The following IPPK variants were observed in gnomAD, a reference collection of about 807,000 sequenced individuals.
The protein encoded by IPPK is IPK1 homolog.
Under a neutral mutation model 64.6 loss-of-function variants are expected in IPPK, and 22 were observed. The ratio of observed to expected loss-of-function variants is 0.34; its 90% confidence interval spans 0.24 to 0.49. IPPK has a LOEUF of 0.49. Among genes scored for constraint, IPPK ranks in the 20% least tolerant of loss-of-function variants. The pLI is 0.99. For missense variants in IPPK, 532 were observed against 630.7 expected (o/e 0.84, Z 1.68); for synonymous variants, 262 against 247.2 (o/e 1.06, Z -0.56).
intron 11 of IPPK, among the ~76,000 whole-genome samples, chr9:92,621,673 C>T (rs1200744252): frequency 3.9e-5 from 6 of 151,998 alleles, no homozygotes; most frequent in African/African-American, 1.5e-4. Flanking sequence ...CACCACCATA[C>T]TCGGCTGATT....
intron 1 of IPPK, among the ~76,000 whole-genome samples, chr9:92,667,086 G>A (rs1417768206): frequency 6.6e-6 from 1 of 152,258 alleles, no homozygotes; most frequent in East Asian, 1.9e-4. Context: ...GGGGATGGGG[G>A]TCAGCACAGG....
At chr9:92,650,371 T>C (rs1338269476) in intron 4 of IPPK, among the ~76,000 whole-genome samples, 1 of 151,698 alleles carries the variant, frequency 6.6e-6, no homozygotes, top group African/African-American at 2.4e-5. Flanking sequence ...TTGGTTTATG[T>C]AGGGGGTAGC....
rs777502896 is a variant in IPPK at position 92,649,442 on chromosome 9, C to G, written c.414+11G>C. ...CCCTTTACCCACACCATCTGCCCCT[C>G]GACAGGTCACCTTAATCTCTACACA... On this transcript the variant is annotated intron_variant, in intron 5 of 12. Coordinates refer to ENST00000287996, the MANE Select transcript of IPPK (RefSeq NM_022755.6). 4 of 1,613,746 alleles carry G rather than the reference C, an allele frequency of 2.5e-6. No homozygotes were observed. Among genetic ancestry groups the G allele is most frequent in the Non-Finnish European group, 3.4e-6 (4 of 1,179,880 alleles).
At chr9:92,627,069 G>A (rs1851748048) in intron 11 of IPPK, among the ~76,000 whole-genome samples, 1 of 152,074 alleles carries the variant, frequency 6.6e-6, no homozygotes, top group South Asian at 2.1e-4. Context: ...TCTTCAAGAA[G>A]AGGAAGAAAA....
At chr9:92,639,126 A>G (rs1466008572) in intron 8 of IPPK, among the ~76,000 whole-genome samples, 1 of 152,202 alleles carries the variant, frequency 6.6e-6, no homozygotes, top group Non-Finnish European at 1.5e-5. Context: ...AAAGCTCACT[A>G]CAGCCTTCAA....
At chr9:92,627,964 C>T (rs1180640762) in intron 11 of IPPK, among the ~76,000 whole-genome samples, 1 of 152,230 alleles carries the variant, frequency 6.6e-6, no homozygotes, top group East Asian at 1.9e-4. Context: ...CACTAAAAAA[C>T]TATTAGAACA....
At position 92,615,300 on chromosome 9, in the gene IPPK, A is replaced by T. The variant is rs1263544329; in HGVS notation, c.*532T>A. ...GCTCAGAATCGGCATCTGCGCGACC[A>T]CGAGGTCACGCTGTGCAGCAGGGAA... is the stretch of plus-strand genomic sequence containing the variant. On this transcript the variant is annotated 3_prime_UTR_variant, in exon 13 of 13. Transcript: ENST00000287996. 6.2e-6 allele frequency: 1 copy of T among 161,952 alleles called. No homozygotes were observed. The highest frequency in any genetic ancestry group is 1.3e-5 in the Non-Finnish European group (1 of 74,264). 10.0% of individuals were successfully genotyped at this position (161,952 alleles called of 1,614,324 possible).
chr9:92,662,571 C>T (rs1228774758), intron 1 of IPPK, among the ~76,000 whole-genome samples: 2 of 151,862 alleles, frequency 1.3e-5, no homozygotes, highest in Non-Finnish European at 2.9e-5. Flanking sequence ...AAGGGAAGAA[C>T]TTGATACTTC....
At chr9:92,619,977 G>A in intron 11 of IPPK, 1 of 210,132 alleles carries the variant, frequency 4.8e-6, no homozygotes, top group Non-Finnish European at 1.0e-5. Flanking sequence ...GAGCGCAGGG[G>A]GTGTTCAGCA....
intron 11 of IPPK, among the ~76,000 whole-genome samples, chr9:92,629,569 T>C (rs1851795957): frequency 6.6e-6 from 1 of 152,044 alleles, no homozygotes; most frequent in Non-Finnish European, 1.5e-5. Context: ...CTGGGCAACA[T>C]GGTGAAACCT....
Position 92,670,072 on chromosome 9 carries a change from T to C in IPPK, c.-84A>G, listed in dbSNP as rs1852698571. 9.7e-7 allele frequency: 1 copy of C among 1,029,174 alleles called. No homozygotes were observed. The highest frequency in any genetic ancestry group is 1.4e-6 in the Non-Finnish European group (1 of 705,852). The allele number at this position is 1,029,174 out of a possible 1,614,324, so 63.8% of individuals were successfully genotyped here. On this transcript the variant is annotated 5_prime_UTR_variant, in exon 1 of 13. Coordinates refer to ENST00000287996, the MANE Select transcript of IPPK (RefSeq NM_022755.6). ...GCCCGCCTCGCTGGGAACCAGCCGC[T>C]GCGGTCGGGGGAGGAGCGCCTGTCA...
chr9:92,629,474 G>A (rs1851793498), intron 11 of IPPK, among the ~76,000 whole-genome samples: 1 of 152,002 alleles, frequency 6.6e-6, no homozygotes, highest in African/African-American at 2.4e-5. Flanking sequence ...AAAGGGGGCT[G>A]GGCACGGTGG....
intron 9 of IPPK, among the ~76,000 whole-genome samples, chr9:92,636,632 C>T (rs1235633017): frequency 6.7e-6 from 1 of 149,446 alleles, no homozygotes; most frequent in African/African-American, 2.5e-5. Context: ...CAGAAACAGA[C>T]CTTGTCTTTA....
intron 1 of IPPK, among the ~76,000 whole-genome samples, chr9:92,663,741 C>G (rs1852535961): frequency 6.6e-6 from 1 of 152,188 alleles, no homozygotes; most frequent in African/African-American, 2.4e-5. Flanking sequence ...GACTTTCCCG[C>G]CACCCACAGA....
At chr9:92,632,574 C>T (rs998986206) in intron 11 of IPPK, among the ~76,000 whole-genome samples, 4 of 152,154 alleles carry the variant, frequency 2.6e-5, no homozygotes, top group African/African-American at 4.8e-5. Context: ...GGAAAAAACC[C>T]GCCACACTGC....
intron 11 of IPPK, among the ~76,000 whole-genome samples, chr9:92,627,918 C>T (rs1247896341): frequency 1.3e-5 from 2 of 152,158 alleles, no homozygotes; most frequent in Non-Finnish European, 2.9e-5. Flanking sequence ...TTTCTACTCA[C>T]ACATGATCTT....
intron 1 of IPPK, among the ~76,000 whole-genome samples, chr9:92,659,571 C>A (rs965763358): frequency 6.6e-6 from 1 of 152,054 alleles, no homozygotes; most frequent in African/African-American, 2.4e-5. Context: ...GAGGAGAATG[C>A]GCCTGGGAGG....
At chr9:92,659,697 A>T (rs1384136097) in intron 1 of IPPK, among the ~76,000 whole-genome samples, 1 of 152,168 alleles carries the variant, frequency 6.6e-6, no homozygotes, top group Non-Finnish European at 1.5e-5. Flanking sequence ...AAGACGGCTT[A>T]GAAAGGGCCA....
rs185506169 is a variant in IPPK at position 92,635,474 on chromosome 9, G to A, written c.917-166C>T. Among the ~76,000 whole-genome samples, 22 of 152,322 alleles carry A rather than the reference G, an allele frequency of 1.4e-4. No homozygotes were observed. Among genetic ancestry groups the A allele is most frequent in the Non-Finnish European group, 2.9e-4 (20 of 68,028 alleles). On this transcript the variant is annotated intron_variant, in intron 9 of 12. Coordinates refer to ENST00000287996, the MANE Select transcript of IPPK (RefSeq NM_022755.6). This position sits in a 1 kb window ranked among gnomAD's most constrained non-coding sequence, Gnocchi z 4.4. ...TGGCACTAAGGACAGACGAGATGAC[G>A]CTCCCGCCTCACAGAGCTGCTGGAG...
Sources: allele counts gnomAD v4.1 joint callset (sites outside exome capture counted in the v4.1 genomes callset), GRCh38; gene constraint gnomAD v4.1.1; non-coding constraint Gnocchi (gnomAD v3.1); transcripts MANE v1.5; gene names NCBI Gene and HGNC (gene_info 2026-07-23, HGNC 2026-07-21).